Variants in MYO3A observed in about 807,000 individuals in gnomAD.
The protein encoded by MYO3A is myosin-IIIa.
MYO3A carries 180 observed loss-of-function variants against 192.7 expected under a neutral mutation model. That is an observed-to-expected ratio of 0.93 (90% CI 0.83 to 1.06). MYO3A has a LOEUF of 1.06. MYO3A is among the 50% of genes least tolerant of loss of function. MYO3A has a pLI of 0.00. For synonymous variants in MYO3A, 628 were observed against 645.3 expected, an observed-to-expected ratio of 0.97 and a Z score of 0.41; for missense variants, 1,896 against 1,905.0, an observed-to-expected ratio of 1.00 and a Z score of 0.09.
Position 26,212,320 on chromosome 10 carries a change from C to T in MYO3A, c.*357C>T. 1 of 398,346 alleles carries T rather than the reference C, an allele frequency of 2.5e-6. No homozygotes were observed. The highest frequency in any genetic ancestry group is 4.4e-6 in the Non-Finnish European group (1 of 226,146). 24.7% of individuals were successfully genotyped at this position (398,346 alleles called of 1,614,324 possible). On this transcript the variant is annotated 3_prime_UTR_variant, in exon 35 of 35. Transcript: ENST00000642920. ...CACTGCGCCTGGGATCTCGCCAACC[C>T]CTCTCTCATTTGGGGTGACTGAATT... is the stretch of plus-strand genomic sequence containing the variant.
intron 10 of MYO3A, among the ~76,000 whole-genome samples, chr10:26,030,804 A>C (rs566345575): frequency 1.7e-4 from 26 of 152,370 alleles, no homozygotes; most frequent in Admixed American, 8.5e-4. Context: ...CAAACTGAAT[A>C]TAAACTTCCT....
At chr10:26,085,877 G>A (rs1174369302) in intron 14 of MYO3A, among the ~76,000 whole-genome samples, 1 of 152,166 alleles carries the variant, frequency 6.6e-6, no homozygotes, top group East Asian at 1.9e-4. Flanking sequence ...CCCCACTTGG[G>A]GCATGAGGTG....
rs1393574134 is a variant in MYO3A at position 26,212,020 on chromosome 10, G to A, written c.*57G>A. 6.3e-6 allele frequency: 10 copies of A among 1,585,422 alleles called. No individual in the cohort carries two copies. The highest frequency in any genetic ancestry group is 2.3e-5 in the South Asian group (2 of 88,582). ...GGCGCTGGAGCCTGCGGGGCAGCAGGGGCCAAGCAGGCACTCTGGGGCTGG... is the reference window on the plus strand; with the variant it reads ...GGCGCTGGAGCCTGCGGGGCAGCAGAGGCCAAGCAGGCACTCTGGGGCTGG... On this transcript the variant is annotated 3_prime_UTR_variant, in exon 35 of 35. Coordinates refer to ENST00000642920, the MANE Select transcript of MYO3A (RefSeq NM_017433.5).
At chr10:26,070,063 T>C in intron 12 of MYO3A, 48 bp from the exon 13 acceptor site, 1 of 1,382,040 alleles carries the variant, frequency 7.2e-7, no homozygotes, top group South Asian at 1.2e-5. Context: ...ATTCAGGACT[T>C]AAATAAAAAC....
chr10:25,969,923 G>A (rs2130721271), intron 4 of MYO3A, among the ~76,000 whole-genome samples: 1 of 152,070 alleles, frequency 6.6e-6, no homozygotes, highest in South Asian at 2.1e-4. Context: ...TTTAATATAA[G>A]GCAAGGTAAC....
rs761424238 is a variant in MYO3A, at chr10:26,145,445, G to GA, written c.2421dup (p.Phe808IlefsTer2). 1.7e-5 allele frequency: 27 copies of GA among 1,589,236 alleles called. 1 individual carries two copies. In the South Asian group the frequency reaches 2.8e-4, roughly 16 times the overall value. On this transcript the variant is annotated frameshift_variant and splice_region_variant. Coordinates refer to ENST00000642920, the MANE Select transcript of MYO3A (RefSeq NM_017433.5). LOFTEE classifies it high-confidence loss of function. ...TATTTGAGTTCAGTATTTTTCTACA[G>GA]AAAAATTTGAAGGTAACCTGAAATC... is the stretch of plus-strand genomic sequence containing the variant.
chr10:25,983,121 C>A (rs1255686781), intron 4 of MYO3A, among the ~76,000 whole-genome samples: 1 of 152,002 alleles, frequency 6.6e-6, no homozygotes, highest in African/African-American at 2.4e-5. Flanking sequence ...ATCACAACTT[C>A]TGGAAATCAA....
At chr10:26,059,765 A>G (rs932910059) in intron 10 of MYO3A, among the ~76,000 whole-genome samples, 4 of 152,224 alleles carry the variant, frequency 2.6e-5, no homozygotes, top group African/African-American at 7.2e-5. Context: ...ATTTTTTTCC[A>G]CATTCAGTAA....
At chr10:25,989,002 T>TG (rs1188321588) in intron 4 of MYO3A, among the ~76,000 whole-genome samples, 1 of 148,748 alleles carries the variant, frequency 6.7e-6, no homozygotes, top group Non-Finnish European at 1.5e-5. Flanking sequence ...TCGCCTAGGC[T>TG]GGGGTGCAGT....
intron 6 of MYO3A, among the ~76,000 whole-genome samples, chr10:26,015,928 A>G (rs1227537868): frequency 6.6e-6 from 1 of 152,184 alleles, no homozygotes; most frequent in Non-Finnish European, 1.5e-5. Flanking sequence ...ATAAGCAACC[A>G]AAGCCTAAAA....
intron 2 of MYO3A, among the ~76,000 whole-genome samples, chr10:25,947,613 G>A (rs1024551117): frequency 1.3e-5 from 2 of 151,912 alleles, no homozygotes; most frequent in Middle Eastern, 3.4e-3. Context: ...GGCTGGTCTC[G>A]AACTCCCGAC....
intron 20 of MYO3A, among the ~76,000 whole-genome samples, chr10:26,143,156 C>A (rs1216663720): frequency 6.6e-6 from 1 of 151,940 alleles, no homozygotes; most frequent in African/African-American, 2.4e-5. Flanking sequence ...CATGGTGAAA[C>A]CCCATCTCTA....
intron 6 of MYO3A, among the ~76,000 whole-genome samples, chr10:25,998,095 A>C (rs1434536239): frequency 6.6e-6 from 1 of 152,158 alleles, no homozygotes. Context: ...ATAATTATAC[A>C]TTTGGTCTTT....
intron 10 of MYO3A, among the ~76,000 whole-genome samples, chr10:26,050,988 C>A (rs1266545421): frequency 6.6e-6 from 1 of 152,144 alleles, no homozygotes; most frequent in African/African-American, 2.4e-5. Flanking sequence ...AAAATTTATA[C>A]CAGAGTGTAA....
chr10:26,160,915 A>G (rs1221750962), intron 26 of MYO3A, among the ~76,000 whole-genome samples: 1 of 152,248 alleles, frequency 6.6e-6, no homozygotes, highest in Non-Finnish European at 1.5e-5. Context: ...TAGTTTTACA[A>G]TGTAGAGCAT....
intron 31 of MYO3A, among the ~76,000 whole-genome samples, chr10:26,178,454 A>T (rs1253876591): frequency 1.3e-5 from 2 of 151,858 alleles, no homozygotes; most frequent in Admixed American, 6.6e-5. Flanking sequence ...CTGGAGGCTG[A>T]GGCAAGTAGA....
Position 26,201,282 on chromosome 10 carries a change from A to C in MYO3A, c.4563A>C (p.Glu1521Asp), listed in dbSNP as rs752207460. 16 of 1,580,588 alleles carry C rather than the reference A, an allele frequency of 1.0e-5. No individual in the cohort carries two copies. The highest frequency in any genetic ancestry group is 1.4e-5 in the Non-Finnish European group (16 of 1,155,196). The change falls in exon 33 of 35, where the codon GAA (glutamate) becomes GAC (aspartate). Residue 1521 changes from glutamate (E) to aspartate (D), a missense_variant. Glu to Asp is a conservative substitution (Grantham distance 45). Coordinates refer to ENST00000642920, the MANE Select transcript of MYO3A (RefSeq NM_017433.5). ...YYLLHKSIQE[E>D]KRRPRKDSQG... ...TCCTTTAGAAGTCAATCCAAGAAGA[A>C]AAACGAAGACCAAGGAAAGACAGGT... is the stretch of plus-strand genomic sequence containing the variant.
At chr10:26,198,484 T>C (rs1170550901) in intron 32 of MYO3A, among the ~76,000 whole-genome samples, 2 of 152,228 alleles carry the variant, frequency 1.3e-5, no homozygotes, top group African/African-American at 4.8e-5. Flanking sequence ...TTTCCAGTAC[T>C]TTCCCTGAAC....
intron 3 of MYO3A, among the ~76,000 whole-genome samples, chr10:25,954,068 G>A (rs1224484686): frequency 1.3e-5 from 2 of 151,966 alleles, no homozygotes; most frequent in African/African-American, 4.8e-5. Context: ...GTCTATATCT[G>A]GATTTTACAG....
Sources: allele counts gnomAD v4.1 joint callset (sites outside exome capture counted in the v4.1 genomes callset), GRCh38; gene constraint gnomAD v4.1.1; transcripts MANE v1.5; gene names NCBI Gene and HGNC (gene_info 2026-07-23, HGNC 2026-07-21).